The following FREM1 variants were observed in gnomAD, a reference collection of about 807,000 sequenced individuals.
The protein encoded by FREM1 is FRAS1-related extracellular matrix protein 1.
Under a neutral mutation model 210.1 loss-of-function variants are expected in FREM1, and 220 were observed. The observed-to-expected ratio is 1.05, with a 90% confidence interval of 0.94 to 1.17. The LOEUF is 1.17. Ranked by LOEUF, FREM1 falls within the 50% of genes most tolerant of loss-of-function variation. The pLI is 0.00. For missense variants in FREM1, 3,454 were observed against 2,675.5 expected, an observed-to-expected ratio of 1.29 and a Z score of -6.42; for synonymous variants, 1,189 against 980.2, an observed-to-expected ratio of 1.21 and a Z score of -3.98.
Position 14,869,109 on chromosome 9 carries a change from G to T in FREM1, c.-132C>A. 1 of 596,062 alleles carries T rather than the reference G, an allele frequency of 1.7e-6. No homozygotes were observed. Among genetic ancestry groups the T allele is most frequent in the Non-Finnish European group, 2.9e-6 (1 of 343,468 alleles). The allele number at this position is 596,062 out of a possible 1,614,324, so 36.9% of individuals were successfully genotyped here. A position where few individuals can be genotyped will look rare whatever the true frequency, so the allele number is the denominator to read the frequency against. On this transcript the variant is annotated 5_prime_UTR_variant, in exon 2 of 37. Transcript: ENST00000380880. Reference sequence around the variant, plus strand: ...GAGGGGTCCTGACAATGTGCCCCGAGATCTTAACATGCCCCTTTCATTTCA... The same window carrying T: ...GAGGGGTCCTGACAATGTGCCCCGATATCTTAACATGCCCCTTTCATTTCA...
intron 22 of FREM1, among the ~76,000 whole-genome samples, chr9:14,791,926 C>G (rs988732698): frequency 6.6e-5 from 10 of 150,712 alleles, no homozygotes; most frequent in African/African-American, 1.7e-4. Flanking sequence ...TCTCCCCCCT[C>G]TCCCGGGTTC....
In FREM1 at chr9:14,861,063, ACATATACATATAT is replaced by A. The variant is rs1352844240; in HGVS notation, c.330-1592_330-1580del. 2.9e-4 allele frequency among the ~76,000 whole-genome samples: 17 copies of A among 58,834 alleles called. 1 individual carries two copies. Among genetic ancestry groups the A allele is most frequent in the African/African-American group, 1.2e-3 (15 of 12,960 alleles). The allele number at this position is 58,834 out of a possible 152,430, so 38.6% of individuals were successfully genotyped here. On this transcript the variant is annotated intron_variant, in intron 3 of 36. Coordinates refer to ENST00000380880, the MANE Select transcript of FREM1 (RefSeq NM_001379081.2). ...CATATATACATATATACATATATAC[ACATATACATATAT>A]ACATATATACACATATATATAAACA... is the stretch of plus-strand genomic sequence containing the variant.
chr9:14,874,876 C>A (rs1833397951), intron 1 of FREM1, among the ~76,000 whole-genome samples: 1 of 152,182 alleles, frequency 6.6e-6, no homozygotes, highest in African/African-American at 2.4e-5. Flanking sequence ...GTGACAAAAT[C>A]TCTCAGCATT....
chr9:14,907,980 G>A (rs1026313850), intron 1 of FREM1, among the ~76,000 whole-genome samples: 2 of 152,178 alleles, frequency 1.3e-5, no homozygotes, highest in African/African-American at 4.8e-5. Context: ...CCCTGCCTGT[G>A]CATGCCATCC....
intron 3 of FREM1, among the ~76,000 whole-genome samples, chr9:14,860,136 G>A (rs76777877): frequency 6.6e-6 from 1 of 151,970 alleles, no homozygotes; most frequent in East Asian, 1.9e-4. Flanking sequence ...TCTTATTATG[G>A]CCCAGGCATT....
intron 10 of FREM1, among the ~76,000 whole-genome samples, chr9:14,839,946 A>G (rs949537036): frequency 6.6e-6 from 1 of 152,234 alleles, no homozygotes; most frequent in Non-Finnish European, 1.5e-5. Flanking sequence ...ATACATTGAT[A>G]AAAAGAGGGA....
At position 14,876,381 on chromosome 9, in the gene FREM1, G is replaced by A. The variant is rs578143847; in HGVS notation, c.-267-7137C>T. Among the ~76,000 whole-genome samples the A allele has an allele frequency of 5.5e-3, 836 of 152,250 alleles. 9 individuals are homozygous for A. Among genetic ancestry groups the A allele is most frequent in the Non-Finnish European group, 4.7e-3 (321 of 68,002 alleles). On this transcript the variant is annotated intron_variant, in intron 1 of 36. Coordinates refer to ENST00000380880, the MANE Select transcript of FREM1 (RefSeq NM_001379081.2). ...GTTTACCTAAGCAAGCCTGGGCAATGGCGGGCGCCCCTCCCCCAGCCTCGC... is the reference window on the plus strand; with the variant it reads ...GTTTACCTAAGCAAGCCTGGGCAATAGCGGGCGCCCCTCCCCCAGCCTCGC...
Position 14,770,811 on chromosome 9 carries a change from A to C in FREM1, c.4858-5T>G. 1 of 1,605,448 alleles carries C rather than the reference A, an allele frequency of 6.2e-7. No homozygotes were observed. Among genetic ancestry groups the C allele is most frequent in the Non-Finnish European group, 8.5e-7 (1 of 1,174,618 alleles). ...TGTTTTGTCCAATTGGTCTACCTGG[A>C]TCATCAACAATGACATAAAATGTTG... On this transcript the variant is annotated splice_region_variant and splice_polypyrimidine_tract_variant and intron_variant, in intron 25 of 36. Coordinates refer to ENST00000380880, the MANE Select transcript of FREM1 (RefSeq NM_001379081.2).
At chr9:14,863,554 G>C (rs1830961710) in intron 3 of FREM1, among the ~76,000 whole-genome samples, 1 of 151,994 alleles carries the variant, frequency 6.6e-6, no homozygotes, top group Non-Finnish European at 1.5e-5. Flanking sequence ...ACCTATATAA[G>C]GACACTAGAG....
chr9:14,816,797 T>A lies in FREM1; in HGVS notation c.2621A>T (p.Glu874Val). The change falls in exon 15 of 37, where the codon GAA becomes GTA. Residue 874 changes from glutamate (E) to valine (V), a missense_variant. By Grantham distance (121) the Glu-to-Val change is moderately radical (BLOSUM62 -2). Transcript: ENST00000380880. ...LEVTDGTNSA[E>V]FVLHVEVFPV... ...ACCCACCTCAACATGTAGTACAAAT[T>A]CTGCTGAATTTGTGCCATCGGTGAC... The A allele has an allele frequency of 1.4e-6, 2 of 1,429,858 alleles. No individual in the cohort carries two copies. Among genetic ancestry groups the A allele is most frequent in the Non-Finnish European group, 1.9e-6 (2 of 1,063,918 alleles). 88.6% of individuals were successfully genotyped at this position (1,429,858 alleles called of 1,614,324 possible).
intron 29 of FREM1, among the ~76,000 whole-genome samples, chr9:14,754,784 AT>A (rs536768506): frequency 1.3e-5 from 2 of 152,234 alleles, no homozygotes; most frequent in East Asian, 3.9e-4. Flanking sequence ...ATACAAAAAA[AT>A]TAGCCAGGTG....
rs978720149 is a variant in FREM1, at chr9:14,874,738, A to G, written c.-267-5494T>C. Reference sequence around the variant, plus strand: ...ATTTTAGCTGGTTATTTTGCTCATTAGTTGATGCAGTTTCTTCCTAGTCTT... The same window carrying G: ...ATTTTAGCTGGTTATTTTGCTCATTGGTTGATGCAGTTTCTTCCTAGTCTT... On this transcript the variant is annotated intron_variant, in intron 1 of 36. Transcript: ENST00000380880. 8.5e-5 allele frequency among the ~76,000 whole-genome samples: 13 copies of G among 152,292 alleles called. No homozygotes were observed. The East Asian group carries it at 9.7e-4, about 11-fold the overall frequency.
intron 4 of FREM1, 85 bp downstream of exon 4, chr9:14,859,098 C>A: frequency 8.8e-7 from 1 of 1,133,340 alleles, no homozygotes; most frequent in South Asian, 1.8e-5. Flanking sequence ...TTAACTAGAA[C>A]TCTTCATCAT....
intron 24 of FREM1, among the ~76,000 whole-genome samples, chr9:14,782,029 C>T (rs1849710851): frequency 6.6e-6 from 1 of 152,212 alleles, no homozygotes; most frequent in Non-Finnish European, 1.5e-5. Context: ...TCTTGAGGCT[C>T]CTCAGAACAA....
chr9:14,831,103 G>A (rs1823479586), intron 10 of FREM1, among the ~76,000 whole-genome samples: 1 of 152,144 alleles, frequency 6.6e-6, no homozygotes, highest in Non-Finnish European at 1.5e-5. Context: ...TTTCACTGGT[G>A]ACCTTGCCAT....
intron 25 of FREM1, among the ~76,000 whole-genome samples, chr9:14,775,144 G>A (rs1848327900): frequency 6.6e-6 from 1 of 152,152 alleles, no homozygotes; most frequent in African/African-American, 2.4e-5. Context: ...AATGCTGTAG[G>A]CATGTTTTTC....
At chr9:14,828,648 G>GGGGGGGC (rs1564023201) in intron 10 of FREM1, among the ~76,000 whole-genome samples, 1 of 127,768 alleles carries the variant, frequency 7.8e-6, no homozygotes, top group African/African-American at 3.1e-5. Context: ...CGGGGCGGGG[G>GGGGGGGC]AGGTGCCGGG....
chr9:14,835,386 TTTTC>T (rs1824368048), intron 10 of FREM1, among the ~76,000 whole-genome samples: 1 of 152,222 alleles, frequency 6.6e-6, no homozygotes, highest in African/African-American at 2.4e-5. Context: ...AAGAATCAAT[TTTTC>T]TTTGTCAACA....
intron 20 of FREM1, 22 bp downstream of exon 20, chr9:14,801,630 A>G (rs1178516257): frequency 1.8e-5 from 27 of 1,484,504 alleles, no homozygotes; most frequent in Non-Finnish European, 2.5e-5. Flanking sequence ...TAACAAATGC[A>G]TGGAAGTGGA....
Sources: gnomAD v4.1 joint callset for allele counts (sites outside exome capture counted in the v4.1 genomes callset) on GRCh38, gnomAD v4.1.1 for gene constraint, MANE v1.5 for transcripts, NCBI Gene and HGNC (gene_info 2026-07-23, HGNC 2026-07-21) for gene names.